TIAM1: variants seen among roughly 807,000 people sequenced by gnomAD.
TIAM1 encodes the protein rho guanine nucleotide exchange factor TIAM1.
In TIAM1, 65 loss-of-function variants were observed where a neutral mutation model predicts 163.5. The observed-to-expected ratio is 0.40, with a 90% CI of 0.33 to 0.49. TIAM1 has a LOEUF of 0.49. TIAM1 is among the 20% of genes least tolerant of loss of function. The probability of loss-of-function intolerance (pLI) is 0.77; values close to 1 mark genes in which losing one functional copy is unlikely to be tolerated. For synonymous variants in TIAM1, 833 were observed against 810.1 expected, an observed-to-expected ratio of 1.03 and a Z score of -0.48; for missense variants, 1,789 against 2,044.7, an observed-to-expected ratio of 0.87 and a Z score of 2.41.
chr21:31,326,354 T>C (rs1159544750), intron 2 of TIAM1, among the ~76,000 whole-genome samples: 1 of 152,004 alleles, frequency 6.6e-6, no homozygotes, highest in Non-Finnish European at 1.5e-5. Flanking sequence ...GGAAGGGGAG[T>C]ACTATGGCAT....
intron 2 of TIAM1, among the ~76,000 whole-genome samples, chr21:31,382,284 A>G (rs551583670): frequency 5.9e-5 from 9 of 152,372 alleles, no homozygotes; most frequent in African/African-American, 2.2e-4. Flanking sequence ...CAAGGTAACT[A>G]GAAACCATTG....
chr21:31,481,902 G>A (rs1445048144), intron 1 of TIAM1, among the ~76,000 whole-genome samples: 1 of 152,034 alleles, frequency 6.6e-6, no homozygotes, highest in African/African-American at 2.4e-5. Context: ...AGAGGATGGA[G>A]CTGAAAGTTT....
intron 14 of TIAM1, among the ~76,000 whole-genome samples, chr21:31,184,356 T>A (rs1017921944): frequency 6.6e-6 from 1 of 152,224 alleles, no homozygotes. Flanking sequence ...TCCGCCCACC[T>A]TGGCCTCCCA....
chr21:31,343,712 T>C lies in TIAM1; in HGVS notation c.-369+426A>G, dbSNP rs1414636038. Reference sequence around the variant, plus strand: ...TCATGGGGTTCTTTTTCAATGGCACTGACCTGCAATTACCCAACGAGCAGC... The same window carrying C: ...TCATGGGGTTCTTTTTCAATGGCACCGACCTGCAATTACCCAACGAGCAGC... On this transcript the variant is annotated intron_variant, in intron 1 of 27. Transcript: ENST00000541036. 4.6e-5 allele frequency among the ~76,000 whole-genome samples: 7 copies of C among 152,310 alleles called. No homozygotes were observed. In the East Asian group the frequency reaches 1.2e-3, roughly 25 times the overall value.
In TIAM1 at chr21:31,413,218, A is replaced by G. The variant is rs145107376; in HGVS notation, c.-369+50765T>C. On this transcript the variant is annotated intron_variant, in intron 2 of 28. Transcript: ENST00000286827. Reference sequence around the variant, plus strand: ...TATCTCCCTTACTCCTGGCTTGTGCATGTCTTCCTCTTTCTGCGTATTTCT... The same window carrying G: ...TATCTCCCTTACTCCTGGCTTGTGCGTGTCTTCCTCTTTCTGCGTATTTCT... 9.0e-5 allele frequency among the ~76,000 whole-genome samples: 13 copies of G among 145,124 alleles called. No individual in the cohort carries two copies. In the East Asian group the frequency reaches 1.6e-3, roughly 18 times the overall value.
At chr21:31,347,876 T>C (rs1179244314), upstream of TIAM1, among the ~76,000 whole-genome samples, 2 of 152,040 alleles carry the variant, frequency 1.3e-5, no homozygotes, top group Admixed American at 1.3e-4. Context: ...GAATTGTTAG[T>C]GGATATTTGC....
At chr21:31,443,151 A>C (rs1056289180) in intron 2 of TIAM1, among the ~76,000 whole-genome samples, 2 of 152,234 alleles carry the variant, frequency 1.3e-5, no homozygotes, top group African/African-American at 4.8e-5. Context: ...AAGGGAAAAG[A>C]GGATGGAAAG....
intron 2 of TIAM1, among the ~76,000 whole-genome samples, chr21:31,300,535 C>T (rs191053726): frequency 2.8e-4 from 43 of 152,320 alleles, no homozygotes; most frequent in African/African-American, 9.4e-4. Flanking sequence ...GCATCCTGAA[C>T]CCCTCGTCAA....
chr21:31,244,396 T>C (rs2071384100), intron 6 of TIAM1, among the ~76,000 whole-genome samples: 2 of 152,196 alleles, frequency 1.3e-5, no homozygotes, highest in Non-Finnish European at 2.9e-5. Flanking sequence ...ATTTGCTATG[T>C]CTGTCCCCTC....
intron 2 of TIAM1, among the ~76,000 whole-genome samples, chr21:31,368,309 CATA>C (rs977349449): frequency 6.6e-6 from 1 of 151,914 alleles, no homozygotes; most frequent in Non-Finnish European, 1.5e-5. Flanking sequence ...TTTAATATTC[CATA>C]ATAATTTATT....
chr21:31,404,201 T>A (rs114632580), intron 2 of TIAM1, among the ~76,000 whole-genome samples: 130 of 152,282 alleles, frequency 8.5e-4, no homozygotes, highest in African/African-American at 3.1e-3. Flanking sequence ...TATCCTTTTA[T>A]CTTTAGAAAA....
At chr21:31,235,617 T>C (rs1209477180) in intron 6 of TIAM1, among the ~76,000 whole-genome samples, 5 of 152,198 alleles carry the variant, frequency 3.3e-5, no homozygotes, top group East Asian at 1.9e-4. Flanking sequence ...ATAAGCCTCA[T>C]GAGGCGAAGA....
At chr21:31,558,371 C>T (rs568436781) in intron 1 of TIAM1, among the ~76,000 whole-genome samples, 5 of 152,254 alleles carry the variant, frequency 3.3e-5, no homozygotes, top group South Asian at 2.1e-4. Context: ...CGCCGGCCCC[C>T]GGGCTTTCCG....
intron 2 of TIAM1, among the ~76,000 whole-genome samples, chr21:31,425,714 T>G (rs1488520188): frequency 1.3e-5 from 2 of 150,066 alleles, no homozygotes; most frequent in African/African-American, 4.9e-5. Context: ...TCTTCCTTTT[T>G]GAGACAGAGT....
chr21:31,346,346 G>GCAGC (rs1412526853), upstream of TIAM1, among the ~76,000 whole-genome samples: 15 of 152,174 alleles, frequency 9.9e-5, no homozygotes, highest in Admixed American at 9.8e-4. Context: ...TTTCCACTGT[G>GCAGC]CAGCATTCAA....
chr21:31,367,538 AACTTACCT>A (rs1259303011), intron 2 of TIAM1, among the ~76,000 whole-genome samples: 13 of 152,194 alleles, frequency 8.5e-5, no homozygotes, highest in African/African-American at 3.1e-4. Flanking sequence ...ATTCAACCCA[AACTTACCT>A]ACCTAATAAG....
intron 6 of TIAM1, among the ~76,000 whole-genome samples, chr21:31,228,441 C>T (rs1163473431): frequency 2.0e-5 from 3 of 151,918 alleles, no homozygotes; most frequent in Non-Finnish European, 4.4e-5. Context: ...AGAAAATGCA[C>T]TCTGGGTACA....
intron 2 of TIAM1, among the ~76,000 whole-genome samples, chr21:31,333,544 C>A (rs140225739): frequency 6.6e-6 from 1 of 152,090 alleles, no homozygotes. Flanking sequence ...CTCAAGCAAT[C>A]CTCCCGCCTC....
At chr21:31,130,506 G>T (rs1368643334) in intron 24 of TIAM1, among the ~76,000 whole-genome samples, 191 bp from the exon 25 acceptor site, 5 of 152,128 alleles carry the variant, frequency 3.3e-5, no homozygotes, top group Admixed American at 3.3e-4. Flanking sequence ...TGAGGGGAGG[G>T]TGTGCAAAGA....
Sources: gnomAD v4.1 joint callset for allele counts (sites outside exome capture counted in the v4.1 genomes callset) on GRCh38, gnomAD v4.1.1 for gene constraint, MANE v1.5 for transcripts, NCBI Gene and HGNC (gene_info 2026-07-23, HGNC 2026-07-21) for gene names.